Variants in PIK3CB observed in about 807,000 individuals in gnomAD.
The protein encoded by PIK3CB is phosphatidylinositol 4,5-bisphosphate 3-kinase catalytic subunit beta isoform.
PIK3CB carries 39 observed loss-of-function variants against 136.8 expected under a neutral mutation model. The ratio of observed to expected loss-of-function variants is 0.29; its 90% CI spans 0.22 to 0.37. The LOEUF is 0.37. Among genes scored for constraint, PIK3CB ranks in the 10% least tolerant of loss-of-function variants. The probability of loss-of-function intolerance (pLI) is 1.00; values close to 1 mark genes in which losing one functional copy is unlikely to be tolerated. For synonymous variants in PIK3CB, 428 were observed against 436.6 expected (o/e 0.98, Z 0.25); for missense variants, 868 against 1,275.4 (o/e 0.68, Z 4.87).
At chr3:138,787,648 T>C (rs961238418) in intron 2 of PIK3CB, among the ~76,000 whole-genome samples, 2 of 151,366 alleles carry the variant, frequency 1.3e-5, no homozygotes, top group African/African-American at 4.9e-5. Context: ...ACACAATCAA[T>C]CAGTAAACAC....
At chr3:138,800,648 G>A (rs1167964817) in intron 1 of PIK3CB, among the ~76,000 whole-genome samples, 5 of 151,802 alleles carry the variant, frequency 3.3e-5, no homozygotes, top group African/African-American at 4.8e-5. Context: ...TTTTTGAGAC[G>A]GAGTCTCACT....
In PIK3CB at chr3:138,689,360, C is replaced by T. The variant is rs550079685; in HGVS notation, c.2037-386G>A. On this transcript the variant is annotated intron_variant, in intron 15 of 23. Transcript: ENST00000674063. ...TTCCCTCCCCTCCCCATTTCTGGCT[C>T]GAATGTGGATGGGGTGGCCAGCCCC... Among the ~76,000 whole-genome samples, 135 of 152,326 alleles carry T rather than the reference C, an allele frequency of 8.9e-4. 2 individuals carry two copies. In the South Asian group the frequency reaches 8.9e-3, roughly 10 times the overall value.
chr3:138,820,446 T>A (rs927463033), intron 1 of PIK3CB, among the ~76,000 whole-genome samples: 2 of 152,242 alleles, frequency 1.3e-5, no homozygotes, highest in African/African-American at 4.8e-5. Flanking sequence ...CTAACTCATT[T>A]ATGTGGTAAA....
At chr3:138,664,968 A>G (rs1488704085) in intron 20 of PIK3CB, 68 bp downstream of exon 20, 1 of 1,059,272 alleles carries the variant, frequency 9.4e-7, no homozygotes, top group African/African-American at 1.6e-5. Flanking sequence ...GCTGACTTCT[A>G]TTGGGAGCAT....
chr3:138,718,160 T>C (rs916939476), intron 8 of PIK3CB, among the ~76,000 whole-genome samples: 1 of 152,192 alleles, frequency 6.6e-6, no homozygotes, highest in Non-Finnish European at 1.5e-5. Context: ...CAGCAGTGTG[T>C]ATGTGTTCTC....
At chr3:138,657,992 C>A (rs1383383875) in intron 21 of PIK3CB, among the ~76,000 whole-genome samples, 157 bp from the exon 22 acceptor site, 1 of 152,024 alleles carries the variant, frequency 6.6e-6, no homozygotes, top group Non-Finnish European at 1.5e-5. Flanking sequence ...TGAGAAGAGA[C>A]CATATCTAAC....
intron 16 of PIK3CB, among the ~76,000 whole-genome samples, chr3:138,685,579 T>C (rs532744913): frequency 6.6e-6 from 1 of 152,196 alleles, no homozygotes; most frequent in East Asian, 1.9e-4. Flanking sequence ...TCTGAGGTTC[T>C]TGCTATTCAA....
intron 5 of PIK3CB, among the ~76,000 whole-genome samples, chr3:138,738,612 T>C (rs182019577): frequency 1.3e-3 from 201 of 152,306 alleles, no homozygotes; most frequent in Non-Finnish European, 1.9e-3. Flanking sequence ...TAGAAACATA[T>C]AGAAATTCTA....
intron 5 of PIK3CB, among the ~76,000 whole-genome samples, chr3:138,739,065 T>TGTGATGATATTTGGAA (rs1179508312): frequency 1.3e-5 from 2 of 152,180 alleles, no homozygotes; most frequent in Non-Finnish European, 2.9e-5. Flanking sequence ...TAATCTCTAA[T>TGTGATGATATTTGGAA]GTGATGATAT....
chr3:138,747,264 C>T (rs2108686643), intron 4 of PIK3CB, among the ~76,000 whole-genome samples: 1 of 151,184 alleles, frequency 6.6e-6, no homozygotes, highest in Admixed American at 6.6e-5. Flanking sequence ...TCCAGGATCA[C>T]AAGTAGCATT....
At chr3:138,788,964 CAAAAAAAAAAAAAAAAAAAA>C (rs57432821) in intron 2 of PIK3CB, among the ~76,000 whole-genome samples, 1 of 89,494 alleles carries the variant, frequency 1.1e-5, no homozygotes, top group African/African-American at 4.6e-5. Flanking sequence ...GACTTCGTCT[CAAAAAAAAAAAAAAAAAAAA>C]AAAAAAAACA....
chr3:138,723,533 G>C (rs2044777027), intron 8 of PIK3CB, among the ~76,000 whole-genome samples: 1 of 152,178 alleles, frequency 6.6e-6, no homozygotes, highest in Admixed American at 6.5e-5. Context: ...CTGGGTGACA[G>C]AGCGAGACCC....
chr3:138,823,307 T>C (rs554511691), intron 1 of PIK3CB, among the ~76,000 whole-genome samples: 1 of 152,044 alleles, frequency 6.6e-6, no homozygotes, highest in African/African-American at 2.4e-5. Flanking sequence ...GAATAAACAA[T>C]TTTAAGTGAT....
intron 8 of PIK3CB, among the ~76,000 whole-genome samples, chr3:138,732,724 A>G (rs1559848084): frequency 1.3e-5 from 2 of 151,160 alleles, no homozygotes; most frequent in South Asian, 4.2e-4. Flanking sequence ...AGAAAAGAAA[A>G]AAAAAAAAAA....
intron 16 of PIK3CB, 101 bp downstream of exon 16, chr3:138,688,774 A>AAGT (rs2043948482): frequency 7.3e-6 from 5 of 684,340 alleles, no homozygotes; most frequent in Non-Finnish European, 1.3e-5. Flanking sequence ...ATCAAACACC[A>AAGT]AGTACCAAAT....
chr3:138,742,455 A>T lies in PIK3CB; in HGVS notation c.621+103T>A, dbSNP rs2045264759. 6 of 615,570 alleles carry T rather than the reference A, an allele frequency of 9.7e-6. No homozygotes were observed. In the Admixed American group the frequency reaches 1.5e-4, roughly 15 times the overall value. The allele number at this position is 615,570 out of a possible 1,614,324, so 38.1% of individuals were successfully genotyped here. A position where few individuals can be genotyped will look rare whatever the true frequency, so the allele number is the denominator to read the frequency against. On this transcript the variant is annotated intron_variant, in intron 5 of 23. Transcript: ENST00000674063. The stretch of plus-strand genomic sequence containing the variant: ...GAAATATAAAATTGTTCTTTCTAAT[A>T]GTGTTTGCTAGGCAAGCGACAGACA...
In PIK3CB at chr3:138,717,565, G is replaced by A. The variant is rs535150159; in HGVS notation, c.1051-2846C>T. 5.3e-5 allele frequency among the ~76,000 whole-genome samples: 8 copies of A among 152,080 alleles called. No homozygotes were observed. In the South Asian group the frequency reaches 1.7e-3, roughly 32 times the overall value. Reference sequence around the variant, plus strand: ...TTAAACTTTCATTTTAGGTTTGGGGGTACATGTGAAGGTTCGTTACATAGG... The same window carrying A: ...TTAAACTTTCATTTTAGGTTTGGGGATACATGTGAAGGTTCGTTACATAGG... On this transcript the variant is annotated intron_variant, in intron 8 of 23. Coordinates refer to ENST00000674063, the MANE Select transcript of PIK3CB (RefSeq NM_006219.3).
chr3:138,793,496 C>T (rs1327265467), intron 2 of PIK3CB, among the ~76,000 whole-genome samples: 1 of 151,824 alleles, frequency 6.6e-6, no homozygotes, highest in African/African-American at 2.4e-5. Flanking sequence ...ATTGCAGCTA[C>T]TCGGGAAGCT....
intron 1 of PIK3CB, among the ~76,000 whole-genome samples, chr3:138,816,607 TAAA>T (rs1933342668): frequency 6.7e-6 from 1 of 149,826 alleles, no homozygotes; most frequent in Non-Finnish European, 1.5e-5. Flanking sequence ...AATAAATAAA[TAAA>T]TAAATAAATA....
Sources: allele counts gnomAD v4.1 joint callset (sites outside exome capture counted in the v4.1 genomes callset), GRCh38; gene constraint gnomAD v4.1.1; transcripts MANE v1.5; gene names NCBI Gene and HGNC (gene_info 2026-07-23, HGNC 2026-07-21).